The following UGGT1 variants were observed in gnomAD, a reference collection of about 807,000 sequenced individuals.
UGGT1 encodes the protein UDP-glucose:glycoprotein glucosyltransferase 1.
In UGGT1, 107 loss-of-function variants were observed where a neutral mutation model predicts 203.9. That is an observed-to-expected ratio of 0.52 (90% CI 0.45 to 0.62). The LOEUF is 0.62. Ranked by LOEUF, UGGT1 falls within the 20% of genes least tolerant of loss-of-function variation. The pLI, the probability that UGGT1 is intolerant of heterozygous loss-of-function variation, is 0.00. For synonymous variants in UGGT1, 628 were observed against 653.5 expected, an observed-to-expected ratio of 0.96 and a Z score of 0.59; for missense variants, 1,673 against 1,867.2, an observed-to-expected ratio of 0.90 and a Z score of 1.92.
At position 128,174,874 on chromosome 2, in the gene UGGT1, G is replaced by A. The variant is rs2104795075; in HGVS notation, c.3539+16G>A. On this transcript the variant is annotated intron_variant, in intron 31 of 40. Transcript: ENST00000259253. ...GAATTTACAGGTAGGAGTAAGTGAT[G>A]CAGTTACATTATCCCAGAACTTTTA... 1 of 1,599,732 alleles carries A rather than the reference G, an allele frequency of 6.3e-7. No homozygotes were observed. Among genetic ancestry groups the A allele is most frequent in the Non-Finnish European group, 8.5e-7 (1 of 1,170,716 alleles).
intron 21 of UGGT1, 111 bp downstream of exon 21, chr2:128,156,526 G>A (rs749495717): frequency 8.5e-6 from 7 of 823,314 alleles, no homozygotes; most frequent in Non-Finnish European, 1.3e-5. Flanking sequence ...GGAATCTGTG[G>A]GTAACAGGAA....
intron 28 of UGGT1, 43 bp from the exon 29 acceptor site, chr2:128,172,530 T>G: frequency 6.2e-7 from 1 of 1,602,482 alleles, no homozygotes; most frequent in Non-Finnish European, 8.5e-7. Context: ...CAAGTCCTGT[T>G]GTCACATCGA....
intron 40 of UGGT1, 93 bp from the exon 41 acceptor site, chr2:128,189,624 A>G: frequency 7.7e-7 from 1 of 1,305,520 alleles, no homozygotes; most frequent in Non-Finnish European, 1.1e-6. Context: ...GGAGGTACAA[A>G]GAATAGGTTC....
intron 21 of UGGT1, among the ~76,000 whole-genome samples, chr2:128,157,001 C>T (rs775199015): frequency 6.6e-6 from 1 of 152,174 alleles, no homozygotes; most frequent in Non-Finnish European, 1.5e-5. Flanking sequence ...CTAACAGATG[C>T]CCAGACCAGT....
At chr2:128,108,197 T>C in intron 4 of UGGT1, 129 bp downstream of exon 4, 3 of 1,217,598 alleles carry the variant, frequency 2.5e-6, no homozygotes, top group Non-Finnish European at 3.4e-6. Flanking sequence ...CTAGGATTTA[T>C]GATTTTTAAA....
chr2:128,169,971 T>A (rs1338449399), intron 26 of UGGT1, among the ~76,000 whole-genome samples: 2 of 152,242 alleles, frequency 1.3e-5, no homozygotes, highest in African/African-American at 4.8e-5. Context: ...CTTTTTGTAC[T>A]CTTCTTGCCA....
chr2:128,117,581 T>C (rs1688170284), intron 8 of UGGT1, among the ~76,000 whole-genome samples: 1 of 151,240 alleles, frequency 6.6e-6, no homozygotes, highest in African/African-American at 2.4e-5. Context: ...TCTTGCTCTG[T>C]TGCCTAGGCT....
chr2:128,194,500 C>G lies in UGGT1; in HGVS notation c.*4758C>G, dbSNP rs1692424866. The G allele has an allele frequency of 6.6e-6, 1 of 152,236 alleles. No individual in the cohort carries two copies. Among genetic ancestry groups the G allele is most frequent in the Non-Finnish European group, 1.5e-5 (1 of 68,064 alleles). The allele number at this position is 152,236 out of a possible 1,614,324, so 9.4% of individuals were successfully genotyped here. A position where few individuals can be genotyped will look rare whatever the true frequency, so the allele number is the denominator to read the frequency against. ...CAGGGTGGTCTCGAACTCCTGACCTCAAGTGATCCACCCGCATCGGCCCCC... is the reference window on the plus strand; with the variant it reads ...CAGGGTGGTCTCGAACTCCTGACCTGAAGTGATCCACCCGCATCGGCCCCC... On this transcript the variant is annotated 3_prime_UTR_variant, in exon 41 of 41. Coordinates refer to ENST00000259253, the MANE Select transcript of UGGT1 (RefSeq NM_020120.4).
chr2:128,175,049 T>C (rs574494045), intron 31 of UGGT1, among the ~76,000 whole-genome samples, 191 bp downstream of exon 31: 59 of 152,362 alleles, frequency 3.9e-4, no homozygotes, highest in African/African-American at 1.4e-3. Flanking sequence ...ATAAGAGGTA[T>C]AGATGCTAAT....
Position 128,153,017 on chromosome 2 carries a change from C to T in UGGT1, c.2137+113C>T, listed in dbSNP as rs1367190861. On this transcript the variant is annotated intron_variant, in intron 19 of 40. Transcript: ENST00000259253. The stretch of plus-strand genomic sequence containing the variant: ...TCTTCTGCAGTGTTCAGAAGATAGC[C>T]CAAGATTGTGACAAAATTTTATGTG... The T allele has an allele frequency of 1.6e-5, 24 of 1,472,452 alleles. No homozygotes were observed. The South Asian group carries it at 2.7e-4, about 16-fold the overall frequency. The allele number at this position is 1,472,452 out of a possible 1,614,324, so 91.2% of individuals were successfully genotyped here. A position where few individuals can be genotyped will look rare whatever the true frequency, so the allele number is the denominator to read the frequency against.
chr2:128,113,698 AGGCCGGGCGCG>A (rs1687971710), intron 6 of UGGT1, among the ~76,000 whole-genome samples: 1 of 35,674 alleles, frequency 2.8e-5, no homozygotes, highest in African/African-American at 5.2e-5. Context: ...GACTCTGTGT[AGGCCGGGCGCG>A]GTGGCTCACG....
rs138147083 is a variant in UGGT1, at chr2:128,159,704, C to T, written c.2546C>T (p.Ala849Val). ...AEALAAGADI[A>V]EFSVGGMDFS... Reference sequence around the variant, plus strand: ...GCCCTGGCTGCAGGAGCTGACATTGCGGAGTTCTCTGTTGGGGTAAGGCTC... The same window carrying T: ...GCCCTGGCTGCAGGAGCTGACATTGTGGAGTTCTCTGTTGGGGTAAGGCTC... The change falls in exon 23 of 41, where the codon GCG (alanine) becomes GTG (valine). Residue 849 changes from alanine (A) to valine (V), a missense_variant. Physicochemically the swap from Ala to Val is moderately conservative, Grantham distance 64. This residue lies in a region of UGGT1 where 1,073 missense variants were observed against 1,078.7 expected (regional missense o/e 0.99). Coordinates refer to ENST00000259253, the MANE Select transcript of UGGT1 (RefSeq NM_020120.4). 7.7e-5 allele frequency: 125 copies of T among 1,614,050 alleles called. No homozygotes were observed. Among genetic ancestry groups the T allele is most frequent in the East Asian group, 4.5e-4 (20 of 44,872 alleles).
At chr2:128,167,916 G>A (rs983609917) in intron 26 of UGGT1, among the ~76,000 whole-genome samples, 1 of 152,020 alleles carries the variant, frequency 6.6e-6, no homozygotes, top group Non-Finnish European at 1.5e-5. Context: ...TGAACATGTT[G>A]TGTGAATCTC....
intron 1 of UGGT1, among the ~76,000 whole-genome samples, chr2:128,093,822 A>G (rs1182327749): frequency 6.6e-6 from 1 of 152,158 alleles, no homozygotes; most frequent in Non-Finnish European, 1.5e-5. Flanking sequence ...TAAAGTGGAG[A>G]TGCATGCAGC....
intron 26 of UGGT1, among the ~76,000 whole-genome samples, chr2:128,168,868 AAAACACCGTCTCTACT>A (rs960839839): frequency 1.3e-5 from 2 of 151,108 alleles, no homozygotes; most frequent in African/African-American, 4.9e-5. Flanking sequence ...CCAACATGGC[AAAACACCGTCTCTACT>A]AACAATACAC....
chr2:128,185,026 A>G (rs534488258), intron 38 of UGGT1, among the ~76,000 whole-genome samples: 2 of 152,124 alleles, frequency 1.3e-5, no homozygotes, highest in South Asian at 2.1e-4. Flanking sequence ...CTTCTAATTT[A>G]TGGAGCTACT....
intron 34 of UGGT1, among the ~76,000 whole-genome samples, chr2:128,179,583 C>T (rs1295305909): frequency 6.6e-6 from 1 of 152,188 alleles, no homozygotes; most frequent in Non-Finnish European, 1.5e-5. Flanking sequence ...GTGAGGAATG[C>T]CCCTTCTCTT....
chr2:128,172,726 A>G lies in UGGT1; in HGVS notation c.3258A>G (p.Arg1086=). The change falls in exon 29 of 41, where the codon AGA becomes AGG. Residue 1086 remains arginine, a synonymous_variant. Transcript: ENST00000259253. ...TPESWMVESV[R]TPYDLDNIYL... is the part of the protein sequence containing the mutation. Reference sequence around the variant, plus strand: ...AGAGCTGGATGGTAGAATCTGTCAGAACACCATATGATCTTGATAATATTT... The same window carrying G: ...AGAGCTGGATGGTAGAATCTGTCAGGACACCATATGATCTTGATAATATTT... 2 of 1,614,148 alleles carry G rather than the reference A, an allele frequency of 1.2e-6. No individual in the cohort carries two copies. Among genetic ancestry groups the G allele is most frequent in the Non-Finnish European group, 1.7e-6 (2 of 1,180,016 alleles).
Position 128,150,312 on chromosome 2 carries a change from G to A in UGGT1, c.2017-2472G>A, listed in dbSNP as rs898415895. ...TAGCCAGGCATTGTGGCATGCACCT[G>A]TAGTCTGAGCTACTTCGGGAGACTA... On this transcript the variant is annotated intron_variant, in intron 18 of 40. Transcript: ENST00000259253. 2.0e-5 allele frequency among the ~76,000 whole-genome samples: 3 copies of A among 152,192 alleles called. No individual in the cohort carries two copies. The East Asian group carries it at 5.8e-4, about 29-fold the overall frequency.
Sources: allele counts gnomAD v4.1 joint callset (sites outside exome capture counted in the v4.1 genomes callset), GRCh38; gene constraint gnomAD v4.1.1; regional missense constraint gnomAD v4.1.1; transcripts MANE v1.5; gene names NCBI Gene and HGNC (gene_info 2026-07-23, HGNC 2026-07-21).